ADAMTSL1: variants seen among roughly 807,000 people sequenced by gnomAD.
ADAMTSL1 encodes the protein ADAMTS-like protein 1.
Under a neutral mutation model 201.8 loss-of-function variants are expected in ADAMTSL1, and 126 were observed. The observed-to-expected ratio is 0.62, with a 90% CI of 0.54 to 0.72. The LOEUF (loss-of-function observed/expected upper bound fraction) is 0.72. Among genes scored for constraint, ADAMTSL1 ranks in the 30% least tolerant of loss-of-function variants. The pLI is 0.00. For missense variants in ADAMTSL1, 2,679 were observed against 2,277.8 expected, an observed-to-expected ratio of 1.18 and a Z score of -3.59; for synonymous variants, 1,121 against 903.4, an observed-to-expected ratio of 1.24 and a Z score of -4.32.
intron 2 of ADAMTSL1, among the ~76,000 whole-genome samples, chr9:18,510,012 G>A (rs571533718): frequency 3.3e-5 from 5 of 152,130 alleles, no homozygotes; most frequent in African/African-American, 9.7e-5. Context: ...TATGCTTAGA[G>A]GCCTAGCAGG....
intron 1 of ADAMTSL1, among the ~76,000 whole-genome samples, chr9:17,967,180 C>A (rs116335670): frequency 0.011 from 1,726 of 152,154 alleles, 40 homozygotes; most frequent in African/African-American, 0.039. Flanking sequence ...AGGAAATAAA[C>A]AAATACCCGT....
chr9:18,125,320 C>T (rs1285889339), intron 1 of ADAMTSL1, among the ~76,000 whole-genome samples: 1 of 152,054 alleles, frequency 6.6e-6, no homozygotes, highest in African/African-American at 2.4e-5. Context: ...CTGGAAAGAC[C>T]CACCCCCATA....
chr9:18,227,841 A>T (rs1587354622), intron 2 of ADAMTSL1, among the ~76,000 whole-genome samples: 1 of 152,296 alleles, frequency 6.6e-6, no homozygotes, highest in Non-Finnish European at 1.5e-5. Flanking sequence ...GGCATAATTC[A>T]TTGCCCCTTA....
rs145269433 is a variant in ADAMTSL1 at position 18,328,366 on chromosome 9, A to G, written c.207+164385A>G. ...CTGTTTGTCTCTTTTTCTATATTCA[A>G]TGTCCCTGAGGACATGAACTGTGAC... On this transcript the variant is annotated intron_variant, in intron 2 of 29. Coordinates refer to the ADAMTSL1 transcript ENST00000680146. Among the ~76,000 whole-genome samples the G allele has an allele frequency of 3.9e-5, 6 of 152,342 alleles. No individual in the cohort carries two copies. In the East Asian group the frequency reaches 5.8e-4, roughly 15 times the overall value.
rs1181459600 is a variant in ADAMTSL1, at chr9:18,906,755, G to C, written c.5025G>C (p.Trp1675Cys). Residue 1675 changes from tryptophan to cysteine, a missense_variant, in exon 28 of 29, where the codon TGG becomes TGC. By Grantham distance (215) the Trp-to-Cys change is radical. Transcript: ENST00000380548. Reference sequence around the variant, plus strand: ...GTGTACACTGGAGAGTCAGCCTGTGGACCCTGTGCACAGCTACCTGTGGCA... The same window carrying C: ...GTGTACACTGGAGAGTCAGCCTGTGCACCCTGTGCACAGCTACCTGTGGCA... ...ACSVHWRVSL[W>C]TLCTATCGNY... 6.2e-7 allele frequency: 1 copy of C among 1,613,672 alleles called. No individual in the cohort carries two copies. The highest frequency in any genetic ancestry group is 1.3e-5 in the African/African-American group (1 of 74,914).
At chr9:17,973,192 G>T (rs891568199) in intron 1 of ADAMTSL1, among the ~76,000 whole-genome samples, 5 of 151,388 alleles carry the variant, frequency 3.3e-5, no homozygotes, top group Admixed American at 6.6e-5. Flanking sequence ...GTCAATTTTG[G>T]CTTTTGTTGC....
intron 2 of ADAMTSL1, among the ~76,000 whole-genome samples, chr9:18,190,399 G>C (rs1828923175): frequency 6.6e-6 from 1 of 152,178 alleles, no homozygotes; most frequent in South Asian, 2.1e-4. Context: ...TTCAGTGGGA[G>C]AGATTAGGAA....
At chr9:18,657,269 T>C (rs1828747126) in intron 7 of ADAMTSL1, among the ~76,000 whole-genome samples, 1 of 152,250 alleles carries the variant, frequency 6.6e-6, no homozygotes, top group Non-Finnish European at 1.5e-5. Flanking sequence ...TAGAACAAAT[T>C]GTCTATTTCT....
intron 3 of ADAMTSL1, among the ~76,000 whole-genome samples, chr9:18,564,422 C>T (rs112359247): frequency 6.6e-6 from 1 of 152,170 alleles, no homozygotes; most frequent in Non-Finnish European, 1.5e-5. Flanking sequence ...ATGTTGATCT[C>T]GCTGGGAGCT....
intron 2 of ADAMTSL1, among the ~76,000 whole-genome samples, chr9:18,392,172 A>C (rs1484825670): frequency 6.6e-6 from 1 of 152,120 alleles, no homozygotes; most frequent in Non-Finnish European, 1.5e-5. Context: ...CCTAAATTAT[A>C]AATCTCAGTT....
At chr9:18,564,925 A>T (rs545246227) in intron 3 of ADAMTSL1, among the ~76,000 whole-genome samples, 2 of 152,334 alleles carry the variant, frequency 1.3e-5, no homozygotes, top group South Asian at 4.1e-4. Context: ...TCTTAGAAAT[A>T]CCTCTAGGGA....
chr9:18,376,415 T>C (rs938438368), intron 2 of ADAMTSL1, among the ~76,000 whole-genome samples: 4 of 151,904 alleles, frequency 2.6e-5, no homozygotes, highest in African/African-American at 9.7e-5. Flanking sequence ...ATTGAGGGAA[T>C]GAAGAGAGAA....
At chr9:18,872,530 C>T (rs1353481603) in intron 23 of ADAMTSL1, among the ~76,000 whole-genome samples, 1 of 152,138 alleles carries the variant, frequency 6.6e-6, no homozygotes, top group Non-Finnish European at 1.5e-5. Context: ...TTGTATCATT[C>T]TTATGACTTT....
chr9:18,504,966 G>A lies in ADAMTSL1; in HGVS notation c.191+10G>A, dbSNP rs1179434919. 2 of 1,602,248 alleles carry A rather than the reference G, an allele frequency of 1.2e-6. No homozygotes were observed. The highest frequency in any genetic ancestry group is 2.2e-5 in the South Asian group (2 of 90,100). The stretch of plus-strand genomic sequence containing the variant: ...GCTGCCTGAGCAGCAAGTAAGTCCT[G>A]CACCCGTTGGGGGTCTTTGTGAGAA... On this transcript the variant is annotated intron_variant, in intron 2 of 28. Coordinates refer to ENST00000380548, the MANE Select transcript of ADAMTSL1 (RefSeq NM_001040272.6).
At chr9:18,888,108 A>T in intron 24 of ADAMTSL1, 65 bp downstream of exon 24, 1 of 1,499,220 alleles carries the variant, frequency 6.7e-7, no homozygotes. Context: ...GAATCTAACT[A>T]TCTAGCAGAA....
intron 2 of ADAMTSL1, among the ~76,000 whole-genome samples, chr9:18,227,330 A>C (rs1587353502): frequency 6.6e-6 from 1 of 152,160 alleles, no homozygotes; most frequent in Non-Finnish European, 1.5e-5. Flanking sequence ...CCCTACCCCA[A>C]GCAGATTCTC....
intron 1 of ADAMTSL1, among the ~76,000 whole-genome samples, chr9:18,501,004 A>G (rs951070455): frequency 3.9e-5 from 6 of 152,200 alleles, no homozygotes; most frequent in African/African-American, 1.2e-4. Flanking sequence ...AAAATATTAC[A>G]TTTATCTGAC....
chr9:18,881,874 A>T (rs1366012975), intron 23 of ADAMTSL1, among the ~76,000 whole-genome samples: 2 of 152,166 alleles, frequency 1.3e-5, no homozygotes, highest in Non-Finnish European at 2.9e-5. Context: ...CCTTCGAAGC[A>T]TCTCTACCCT....
intron 8 of ADAMTSL1, among the ~76,000 whole-genome samples, chr9:18,660,441 CT>C (rs1296155242): frequency 2.0e-5 from 3 of 152,160 alleles, no homozygotes; most frequent in African/African-American, 7.2e-5. Flanking sequence ...CATTTTTGCT[CT>C]AACTCTTCAT....
Sources: gnomAD v4.1 joint callset for allele counts (sites outside exome capture counted in the v4.1 genomes callset) on GRCh38, gnomAD v4.1.1 for gene constraint, MANE v1.5 for transcripts, NCBI Gene and HGNC (gene_info 2026-07-23, HGNC 2026-07-21) for gene names.